Variants in TMEM131 observed in about 807,000 individuals in gnomAD.
TMEM131 encodes 2610524E03Rik.
In TMEM131, 66 loss-of-function variants were observed where a neutral mutation model predicts 211.6. That is an observed-to-expected ratio of 0.31 (90% confidence interval 0.26 to 0.38). The LOEUF is 0.38. Ranked by LOEUF, TMEM131 falls within the 10% of genes least tolerant of loss-of-function variation. The pLI is 1.00. For missense variants in TMEM131, 2,036 were observed against 2,299.3 expected (o/e 0.89, Z 2.34); for synonymous variants, 844 against 841.3 (o/e 1.00, Z -0.06).
intron 5 of TMEM131, among the ~76,000 whole-genome samples, chr2:97,847,070 T>TGGGGGGGGGGGGGGG (rs70938540): frequency 8.7e-5 from 2 of 23,034 alleles, no homozygotes; most frequent in Admixed American, 4.5e-4. Context: ...TCCCAGCTAC[T>TGGGGGGGGGGGGGGG]GGGGGGGGGG....
At position 97,972,619 on chromosome 2, in the gene TMEM131, G is replaced by A. The variant is rs142104859; in HGVS notation, c.187+22857C>T. Among the ~76,000 whole-genome samples, 355 of 152,212 alleles carry A rather than the reference G, an allele frequency of 2.3e-3. 3 individuals are homozygous for A. The highest frequency in any genetic ancestry group is 0.015 in the South Asian group (74 of 4,824). On this transcript the variant is annotated intron_variant, in intron 1 of 40. Coordinates refer to ENST00000186436, the MANE Select transcript of TMEM131 (RefSeq NM_015348.2). ...TCCAAGACGCCCACATCCTAACCTC[G>A]GGATCTTGTGAATATGCCAAATCAC...
intron 4 of TMEM131, among the ~76,000 whole-genome samples, chr2:97,866,584 T>A (rs1172634390): frequency 6.6e-6 from 1 of 150,548 alleles, no homozygotes; most frequent in African/African-American, 2.5e-5. Flanking sequence ...CTTTTGCTAG[T>A]TTTTTTAGGG....
chr2:97,908,817 T>C (rs942658510), intron 2 of TMEM131, 119 bp from the exon 3 acceptor site: 42 of 791,128 alleles, frequency 5.3e-5, no homozygotes, highest in Non-Finnish European at 7.5e-5. Flanking sequence ...CCATTTGGAT[T>C]TTAAGGTTAA....
At chr2:97,875,964 A>T (rs182657712) in intron 4 of TMEM131, among the ~76,000 whole-genome samples, 151 of 152,284 alleles carry the variant, frequency 9.9e-4, no homozygotes, top group African/African-American at 3.5e-3. Context: ...AAATAGATAG[A>T]CCACTAGCCA....
intron 17 of TMEM131, among the ~76,000 whole-genome samples, chr2:97,811,524 C>A (rs1420754151): frequency 2.0e-5 from 3 of 152,148 alleles, no homozygotes; most frequent in Admixed American, 2.0e-4. Context: ...CCTGTATGGC[C>A]AAAGGGGCTG....
chr2:97,880,477 G>A (rs946648691), intron 4 of TMEM131, among the ~76,000 whole-genome samples: 1 of 152,110 alleles, frequency 6.6e-6, no homozygotes, highest in African/African-American at 2.4e-5. Context: ...AAGAGGAGAG[G>A]GGTAAGTAGT....
In TMEM131 at chr2:97,812,720, T is replaced by C. The variant is rs552529327; in HGVS notation, c.1647A>G (p.Glu549=). ...TCAGTACTCCAAAATCTATGAAACG[T>C]TCCTCTATTTTGGGGGGCAATACAA... is the stretch of plus-strand genomic sequence containing the variant. ...DYFVLPPKIE[E]RFIDFGVLSA... The change falls in exon 16 of 41, where the codon GAA becomes GAG. Residue 549 remains glutamate, a synonymous_variant. Coordinates refer to ENST00000186436, the MANE Select transcript of TMEM131 (RefSeq NM_015348.2). 6.9e-6 allele frequency: 11 copies of C among 1,589,752 alleles called. No individual in the cohort carries two copies. In the East Asian group the frequency reaches 1.8e-4, roughly 26 times the overall value.
chr2:97,892,465 AC>A (rs1353167258), intron 3 of TMEM131, among the ~76,000 whole-genome samples: 1 of 152,064 alleles, frequency 6.6e-6, no homozygotes, highest in East Asian at 1.9e-4. Context: ...GGCTCAAGCC[AC>A]CCTCTTGCTT....
Position 97,758,996 on chromosome 2 carries a change from C to T in TMEM131, c.5264G>A (p.Trp1755Ter). ...TGAAGGGCCACTATTAAACTCGTTC[C>T]AGCTCCTCTGTGAGGCCTGATTGCA... ...RSCNQASQRS[W>*]NEFNSGPSYL... The change falls in exon 40 of 41, where the codon TGG (tryptophan) becomes TAG (stop). Residue 1755 changes from tryptophan to a stop codon, truncating the protein, a stop_gained. Coordinates refer to ENST00000186436, the MANE Select transcript of TMEM131 (RefSeq NM_015348.2). LOFTEE classifies it high-confidence loss of function. The T allele has an allele frequency of 6.2e-7, 1 of 1,614,068 alleles. No individual in the cohort carries two copies. The highest frequency in any genetic ancestry group is 8.5e-7 in the Non-Finnish European group (1 of 1,179,900).
intron 3 of TMEM131, among the ~76,000 whole-genome samples, chr2:97,893,843 T>C (rs1675488384): frequency 6.6e-6 from 1 of 152,200 alleles, no homozygotes; most frequent in Non-Finnish European, 1.5e-5. Context: ...TTCACTCTGA[T>C]GATAGTGCCT....
intron 1 of TMEM131, among the ~76,000 whole-genome samples, chr2:97,966,256 G>C (rs570628487): frequency 1.3e-5 from 2 of 151,884 alleles, no homozygotes. Context: ...AACCAGCAAG[G>C]TGTCTGGCAT....
chr2:97,802,553 G>A lies in TMEM131; in HGVS notation c.2542-16C>T. The A allele has an allele frequency of 1.2e-6, 2 of 1,602,818 alleles. No homozygotes were observed. Among genetic ancestry groups the A allele is most frequent in the South Asian group, 1.1e-5 (1 of 88,858 alleles). ...TCTCTTCTTCCTTAAACAAAATAAT[G>A]AAACATTAAATGAAAGATTTCTATA... On this transcript the variant is annotated splice_polypyrimidine_tract_variant and intron_variant, in intron 23 of 40. Transcript: ENST00000186436.
intron 1 of TMEM131, among the ~76,000 whole-genome samples, chr2:97,946,446 A>G (rs1678047669): frequency 6.6e-6 from 1 of 152,032 alleles, no homozygotes; most frequent in Admixed American, 6.6e-5. Flanking sequence ...TTCTATAAAC[A>G]TTAGAAGACT....
At chr2:97,797,645 T>C (rs1480860007) in intron 25 of TMEM131, 129 bp from the exon 26 acceptor site, 17 of 761,334 alleles carry the variant, frequency 2.2e-5, no homozygotes, top group Non-Finnish European at 3.4e-5. Flanking sequence ...ATTTTATCTG[T>C]CATGTTTAGA....
At chr2:97,897,879 T>C (rs1173835827) in intron 3 of TMEM131, among the ~76,000 whole-genome samples, 1 of 152,190 alleles carries the variant, frequency 6.6e-6, no homozygotes, top group African/African-American at 2.4e-5. Flanking sequence ...AACTGTAAAT[T>C]CTATGTCTTT....
chr2:97,948,689 G>A lies in TMEM131; in HGVS notation c.188-21202C>T, dbSNP rs1011538660. Among the ~76,000 whole-genome samples, 10 of 151,730 alleles carry A rather than the reference G, an allele frequency of 6.6e-5. No homozygotes were observed. The East Asian group carries it at 7.7e-4, about 12-fold the overall frequency. ...TTTATTTTTTTTGAGACGGAGCCTC[G>A]CGCTGTCGCCCAGGCTGGAGTGCAG... On this transcript the variant is annotated intron_variant, in intron 1 of 40. Transcript: ENST00000186436.
intron 2 of TMEM131, among the ~76,000 whole-genome samples, chr2:97,913,899 G>C (rs1676396108): frequency 6.6e-6 from 1 of 152,128 alleles, no homozygotes; most frequent in East Asian, 1.9e-4. Context: ...GGATATACCT[G>C]GGAGCCAGTT....
At chr2:97,974,097 G>C (rs1679419875) in intron 1 of TMEM131, among the ~76,000 whole-genome samples, 1 of 152,036 alleles carries the variant, frequency 6.6e-6, no homozygotes, top group South Asian at 2.1e-4. Context: ...CAATAAAACA[G>C]GTATTATAAA....
At chr2:97,989,904 T>TA (rs1573661776) in intron 1 of TMEM131, among the ~76,000 whole-genome samples, 1 of 152,204 alleles carries the variant, frequency 6.6e-6, no homozygotes, top group African/African-American at 2.4e-5. Flanking sequence ...AATGCCCTAA[T>TA]AAGAACAAAG....
Sources: gnomAD v4.1 joint callset for allele counts (sites outside exome capture counted in the v4.1 genomes callset) on GRCh38, gnomAD v4.1.1 for gene constraint, MANE v1.5 for transcripts, NCBI Gene and HGNC (gene_info 2026-07-23, HGNC 2026-07-21) for gene names.